BRD10: variants seen among roughly 807,000 people sequenced by gnomAD.
The protein encoded by BRD10 is bromodomain containing 10, also known as uncharacterized bromodomain-containing protein 10.
At chr9:5,902,325 C>T in the BRD10 span, among the ~76,000 whole-genome samples, 1 of 152,144 alleles carries the variant, frequency 6.6e-6, no homozygotes, top group African/African-American at 2.4e-5. Context: ...CTTTTCATGT[C>T]CATTATTATT....
chr9:5,917,806 T>C, the BRD10 span, among the ~76,000 whole-genome samples: 2 of 152,136 alleles, frequency 1.3e-5, no homozygotes, highest in Admixed American at 6.5e-5. Flanking sequence ...TGAGCTGAGA[T>C]AGCACCATGG....
the BRD10 span, chr9:5,899,208 A>T: frequency 3.9e-5 from 6 of 152,220 alleles, no homozygotes; most frequent in Non-Finnish European, 7.3e-5. Flanking sequence ...AAGATGTTGG[A>T]AAGTCCCATT....
chr9:5,987,771 CAGTA>C, the BRD10 span, among the ~76,000 whole-genome samples: 2 of 152,084 alleles, frequency 1.3e-5, no homozygotes, highest in African/African-American at 4.8e-5. Context: ...GTTTGTTTGT[CAGTA>C]TAGAAACATC....
the BRD10 span, among the ~76,000 whole-genome samples, chr9:5,976,855 A>G: frequency 0.24 from 37,090 of 152,014 alleles, 4,663 homozygotes; most frequent in South Asian, 0.34. Flanking sequence ...GTTCTGACAG[A>G]GAAGAGTGTT....
At chr9:5,906,450 T>C in the BRD10 span, among the ~76,000 whole-genome samples, 2 of 152,262 alleles carry the variant, frequency 1.3e-5, no homozygotes, top group African/African-American at 4.8e-5. Flanking sequence ...TTATTTTCTT[T>C]TTCTCTAAAG....
the BRD10 span, among the ~76,000 whole-genome samples, chr9:5,996,082 A>C: frequency 3.2e-4 from 49 of 152,320 alleles, no homozygotes; most frequent in African/African-American, 1.2e-3. Context: ...TATGAAACTA[A>C]AACTAAAGGC....
At chr9:5,946,596 T>C in the BRD10 span, among the ~76,000 whole-genome samples, 4 of 152,080 alleles carry the variant, frequency 2.6e-5, no homozygotes, top group Non-Finnish European at 4.4e-5. Flanking sequence ...TCTACTATTA[T>C]GATGACGGTG....
chr9:5,879,812 C>T, the BRD10 span, among the ~76,000 whole-genome samples: 1 of 152,126 alleles, frequency 6.6e-6, no homozygotes, highest in Non-Finnish European at 1.5e-5. Context: ...TGGATTTATC[C>T]GACCTCTGAC....
the BRD10 span, among the ~76,000 whole-genome samples, chr9:5,889,515 G>A: frequency 3.9e-5 from 6 of 152,272 alleles, no homozygotes; most frequent in South Asian, 4.1e-4. Flanking sequence ...GGCTGGGCGC[G>A]GTGGCTCATG....
chr9:5,891,580 A>G, the BRD10 span, among the ~76,000 whole-genome samples: 1 of 152,198 alleles, frequency 6.6e-6, no homozygotes, highest in Non-Finnish European at 1.5e-5. Flanking sequence ...ATTCATGAGG[A>G]CAGTAAGAGA....
chr9:5,919,735 G>C, the BRD10 span: 1 of 1,613,120 alleles, frequency 6.2e-7, no homozygotes, highest in Non-Finnish European at 8.5e-7. Context: ...GAAAAGCAGG[G>C]AAGACAGACG....
chr9:5,971,139 C>T, the BRD10 span, among the ~76,000 whole-genome samples: 2 of 128,652 alleles, frequency 1.6e-5, no homozygotes, highest in Non-Finnish European at 3.4e-5. Flanking sequence ...ACAAAATGAA[C>T]AACAAAAGCA....
the BRD10 span, chr9:5,920,611 A>C: frequency 2.5e-6 from 4 of 1,613,992 alleles, no homozygotes; most frequent in Non-Finnish European, 3.4e-6. Flanking sequence ...TTGGCACTGT[A>C]GTTGAAATCC....
the BRD10 span, among the ~76,000 whole-genome samples, chr9:6,001,610 T>C: frequency 2.6e-5 from 4 of 152,364 alleles, no homozygotes; most frequent in African/African-American, 4.8e-5. Flanking sequence ...TGTCATTGTA[T>C]CTACAGGGCT....
the BRD10 span, chr9:5,924,765 T>C: frequency 2.5e-6 from 4 of 1,606,754 alleles, no homozygotes; most frequent in Non-Finnish European, 1.7e-6. Context: ...TTCACCTTCA[T>C]CAGTGGTCCA....
the BRD10 span, among the ~76,000 whole-genome samples, chr9:5,911,942 G>C: frequency 6.6e-6 from 1 of 152,146 alleles, no homozygotes; most frequent in African/African-American, 2.4e-5. Context: ...TTGTTACTTT[G>C]ATAGGGATTG....
chr9:5,909,755 CT>C, the BRD10 span: 4 of 152,188 alleles, frequency 2.6e-5, no homozygotes, highest in Non-Finnish European at 2.9e-5. Context: ...GGCAATTTAG[CT>C]CTCTTGGGTT....
chr9:5,918,391 C>A, the BRD10 span, among the ~76,000 whole-genome samples: 1 of 152,128 alleles, frequency 6.6e-6, no homozygotes, highest in Admixed American at 6.5e-5. Flanking sequence ...ATATAAAGAT[C>A]CAATAAATAT....
the BRD10 span, among the ~76,000 whole-genome samples, chr9:5,957,438 C>T: frequency 6.6e-6 from 1 of 152,110 alleles, no homozygotes; most frequent in South Asian, 2.1e-4. Flanking sequence ...TCTAATTAAT[C>T]TTAACAATAC....
Sources: gnomAD v4.1 joint callset for allele counts (sites outside exome capture counted in the v4.1 genomes callset) on GRCh38, gnomAD v4.1.1 for gene constraint, MANE v1.5 for transcripts, NCBI Gene and HGNC (gene_info 2026-07-23, HGNC 2026-07-21) for gene names.